Variants in KMT2A observed in about 807,000 individuals in gnomAD.
KMT2A encodes the protein lysine methyltransferase 2A.
A neutral mutation model predicts 345.3 loss-of-function variants in KMT2A; 16 were observed. The observed-to-expected ratio is 0.05, with a 90% CI of 0.03 to 0.07. The LOEUF is 0.07. KMT2A is among the 10% of genes least tolerant of loss of function. The probability of loss-of-function intolerance (pLI) is 1.00; values close to 1 mark genes in which losing one functional copy is unlikely to be tolerated. For missense variants in KMT2A, 3,272 were observed against 4,841.6 expected (o/e 0.68, Z 9.62); for synonymous variants, 1,599 against 1,778.6 (o/e 0.90, Z 2.54).
At chr11:118,454,977 C>T (rs558277695) in intron 1 of KMT2A, among the ~76,000 whole-genome samples, 2 of 152,136 alleles carry the variant, frequency 1.3e-5, no homozygotes, top group East Asian at 3.9e-4. Flanking sequence ...GAATATAACC[C>T]CACAGCTAAC....
intron 1 of KMT2A, among the ~76,000 whole-genome samples, chr11:118,451,434 C>T (rs1949535222): frequency 1.3e-5 from 2 of 152,132 alleles, no homozygotes; most frequent in South Asian, 4.1e-4. Context: ...GTCACCCAGG[C>T]TGGAGTGCAG....
chr11:118,467,327 A>C (rs943305130), intron 1 of KMT2A, among the ~76,000 whole-genome samples: 1 of 151,798 alleles, frequency 6.6e-6, no homozygotes, highest in Non-Finnish European at 1.5e-5. Context: ...CAGTGAGCTG[A>C]GATCGCGCCA....
At chr11:118,478,755 T>C (rs1180355174) in intron 5 of KMT2A, among the ~76,000 whole-genome samples, 2 of 152,136 alleles carry the variant, frequency 1.3e-5, no homozygotes, top group Non-Finnish European at 2.9e-5. Flanking sequence ...TGTTCATGCA[T>C]ATGGAATTTT....
chr11:118,438,266 G>A (rs1268771629), intron 1 of KMT2A, among the ~76,000 whole-genome samples: 1 of 152,130 alleles, frequency 6.6e-6, no homozygotes, highest in Non-Finnish European at 1.5e-5. Flanking sequence ...TCAGAGCGTT[G>A]CCCCTTCCCC....
At chr11:118,457,620 G>A (rs949793071) in intron 1 of KMT2A, among the ~76,000 whole-genome samples, 9 of 151,310 alleles carry the variant, frequency 5.9e-5, no homozygotes, top group African/African-American at 9.7e-5. Context: ...ATCAGCTAAG[G>A]CCTCAGTCAT....
intron 27 of KMT2A, 83 bp from the exon 28 acceptor site, chr11:118,507,446 G>A: frequency 8.5e-7 from 1 of 1,178,252 alleles, no homozygotes; most frequent in Non-Finnish European, 1.3e-6. Context: ...TCCTGATAGA[G>A]CCATTTCTTT....
chr11:118,441,902 C>T (rs555485233), intron 1 of KMT2A, among the ~76,000 whole-genome samples: 1 of 152,294 alleles, frequency 6.6e-6, no homozygotes, highest in East Asian at 1.9e-4. Flanking sequence ...CTTTGCTCAC[C>T]TTAGAGCTGT....
chr11:118,520,893 T>C lies in KMT2A; in HGVS notation c.11513+8T>C. The C allele has an allele frequency of 6.3e-7, 1 of 1,598,378 alleles. No individual in the cohort carries two copies. The highest frequency in any genetic ancestry group is 2.2e-5 in the East Asian group (1 of 44,818). ...GGCAGTTGGTGTCTACAGGTATGACTAAAATTCTAGAAAGAATTACAGAAA... is the reference window on the plus strand; with the variant it reads ...GGCAGTTGGTGTCTACAGGTATGACCAAAATTCTAGAAAGAATTACAGAAA... On this transcript the variant is annotated splice_region_variant and intron_variant, in intron 34 of 35. Transcript: ENST00000534358. The surrounding 1 kb of genome is among the most constrained non-coding windows in gnomAD (Gnocchi z 4.3).
Position 118,502,984 on chromosome 11 carries a change from T to C in KMT2A, c.7092T>C (p.Ser2364=). ...AACCCTCTTCAGTGTCGTTTTCTTC[T>C]AAAGAGGCCCTCTCCTTCCCACACC... ...FAEPSSVSFS[S]KEALSFPHLH... Residue 2364 remains serine (S), a synonymous_variant, in exon 27 of 36, where the codon TCT becomes TCC. Coordinates refer to ENST00000534358, the MANE Select transcript of KMT2A (RefSeq NM_001197104.2). The surrounding 1 kb of genome is among the most constrained non-coding windows in gnomAD (Gnocchi z 4.9). 1.9e-6 allele frequency: 3 copies of C among 1,614,098 alleles called. No homozygotes were observed. Among genetic ancestry groups the C allele is most frequent in the South Asian group, 1.1e-5 (1 of 91,072 alleles).
At position 118,484,361 on chromosome 11, in the gene KMT2A, T is replaced by C. The variant is rs1555040299; in HGVS notation, c.4218+47T>C. 1 of 1,591,466 alleles carries C rather than the reference T, an allele frequency of 6.3e-7. No individual in the cohort carries two copies. The highest frequency in any genetic ancestry group is 8.6e-7 in the Non-Finnish European group (1 of 1,166,026). On this transcript the variant is annotated intron_variant, in intron 9 of 35. Coordinates refer to ENST00000534358, the MANE Select transcript of KMT2A (RefSeq NM_001197104.2). This position sits in a 1 kb window ranked among gnomAD's most constrained non-coding sequence, Gnocchi z 4.1. ...AAAGTATATTGAGTGTCAAAGACTT[T>C]AAATAAAGAAAATGCTACTACCAAA...
At position 118,521,618 on chromosome 11, in the gene KMT2A, GGTTT is replaced by G. The variant is rs1950970758; in HGVS notation, c.11643+204_11643+207del. Among the ~76,000 whole-genome samples the G allele has an allele frequency of 2.6e-5, 4 of 152,294 alleles. No individual in the cohort carries two copies. Among genetic ancestry groups the G allele is most frequent in the Admixed American group, 2.6e-4 (4 of 15,296 alleles). On this transcript the variant is annotated intron_variant, in intron 35 of 35. Coordinates refer to ENST00000534358, the MANE Select transcript of KMT2A (RefSeq NM_001197104.2). This position sits in a 1 kb window ranked among gnomAD's most constrained non-coding sequence, Gnocchi z 5.3. The stretch of plus-strand genomic sequence containing the variant: ...TTAGTACAGAAAGTTGCTCTTAGAA[GGTTT>G]GTCTGAGTGGCTCCTAGTATCAGAA...
Position 118,491,404 on chromosome 11 carries a change from G to A in KMT2A, c.4819+86G>A. The A allele has an allele frequency of 8.6e-6, 11 of 1,283,784 alleles. No individual in the cohort carries two copies. The highest frequency in any genetic ancestry group is 1.1e-5 in the Non-Finnish European group (10 of 933,044). 79.5% of individuals were successfully genotyped at this position (1,283,784 alleles called of 1,614,324 possible). ...AGAGCACTTTAAACCTAAAATTATG[G>A]TTGTGTTGTTATTTGAAATCTCTAA... On this transcript the variant is annotated intron_variant, in intron 14 of 35. Transcript: ENST00000534358. The surrounding 1 kb of genome is among the most constrained non-coding windows in gnomAD (Gnocchi z 4.2).
In KMT2A at chr11:118,511,948, C is replaced by T. The variant is rs566748015; in HGVS notation, c.11072-3C>T. The T allele has an allele frequency of 7.8e-5, 126 of 1,613,674 alleles. No homozygotes were observed. The South Asian group carries it at 1.3e-3, about 16-fold the overall frequency. ...CTTACGGGTTTTCTTTATTTCCTTT[C>T]AGATGCCTGGAAGTCATTGACAGAT... On this transcript the variant is annotated splice_polypyrimidine_tract_variant and splice_region_variant and intron_variant, in intron 30 of 35. Coordinates refer to ENST00000534358, the MANE Select transcript of KMT2A (RefSeq NM_001197104.2).
rs1555043929 is a variant in KMT2A, at chr11:118,496,304, C to A, written c.5601C>A (p.Pro1867=). The part of the protein sequence containing the change: ...SREDSPELNP[P]PGIEDNRQCA... ...AAGACAGTCCAGAGCTGAACCCACC[C>A]CCAGGCATAGAAGACAATAGACAGT... is the stretch of plus-strand genomic sequence containing the variant. Residue 1867 remains proline, a synonymous_variant, in exon 20 of 36, where the codon CCC becomes CCA. Transcript: ENST00000534358. The surrounding 1 kb of genome is among the most constrained non-coding windows in gnomAD (Gnocchi z 4.7). 1.9e-6 allele frequency: 3 copies of A among 1,613,834 alleles called. No individual in the cohort carries two copies. The highest frequency in any genetic ancestry group is 2.5e-6 in the Non-Finnish European group (3 of 1,179,830).
At position 118,493,980 on chromosome 11, in the gene KMT2A, G is replaced by T. The variant is rs1273292075; in HGVS notation, c.5179-308G>T. ...CCCACATCAGCCTCCCAAAGTGCTGGGATTACAGGCGTGAGCCACTGTTTA... is the reference window on the plus strand; with the variant it reads ...CCCACATCAGCCTCCCAAAGTGCTGTGATTACAGGCGTGAGCCACTGTTTA... On this transcript the variant is annotated intron_variant, in intron 16 of 35. Coordinates refer to ENST00000534358, the MANE Select transcript of KMT2A (RefSeq NM_001197104.2). The surrounding 1 kb of genome is among the most constrained non-coding windows in gnomAD (Gnocchi z 5.8). Among the ~76,000 whole-genome samples the T allele has an allele frequency of 1.3e-5, 2 of 152,096 alleles. No individual in the cohort carries two copies. Among genetic ancestry groups the T allele is most frequent in the Admixed American group, 6.6e-5 (1 of 15,266 alleles).
At position 118,505,522 on chromosome 11, in the gene KMT2A, C is replaced by T. The variant is rs1950566000; in HGVS notation, c.9630C>T (p.Leu3210=). 2 of 1,614,028 alleles carry T rather than the reference C, an allele frequency of 1.2e-6. No individual in the cohort carries two copies. Among genetic ancestry groups the T allele is most frequent in the African/African-American group, 1.3e-5 (1 of 74,908 alleles). ...LVSESSQRTD[L]STTVATPSSG... ...CAGAATCCAGCCAGAGGACAGACCT[C>T]AGTACCACAGTAGCCACTCCATCCT... is the stretch of plus-strand genomic sequence containing the variant. The change falls in exon 27 of 36, where the codon CTC becomes CTT. Residue 3210 remains leucine (L), a synonymous_variant. Coordinates refer to ENST00000534358, the MANE Select transcript of KMT2A (RefSeq NM_001197104.2). This position sits in a 1 kb window ranked among gnomAD's most constrained non-coding sequence, Gnocchi z 4.6.
rs9332824 is a variant in KMT2A at position 118,496,013 on chromosome 11, C to T, written c.5557+120C>T. 7.0e-3 allele frequency: 6,528 copies of T among 932,692 alleles called. 30 individuals carry two copies. Among genetic ancestry groups the T allele is most frequent in the Middle Eastern group, 0.018 (51 of 2,876 alleles). 57.8% of individuals were successfully genotyped at this position (932,692 alleles called of 1,614,324 possible). On this transcript the variant is annotated intron_variant, in intron 19 of 35. Transcript: ENST00000534358. This position sits in a 1 kb window ranked among gnomAD's most constrained non-coding sequence, Gnocchi z 4.7. ...TATCAGAAAGGAATTTTCAGGTCAT[C>T]CTTAAATGTAATACCATCATTAATT...
chr11:118,497,875 C>A lies in KMT2A; in HGVS notation c.5665-61C>A. 7.3e-7 allele frequency: 1 copy of A among 1,360,768 alleles called. No individual in the cohort carries two copies. Among genetic ancestry groups the A allele is most frequent in the South Asian group, 1.2e-5 (1 of 80,674 alleles). 84.3% of individuals were successfully genotyped at this position (1,360,768 alleles called of 1,614,324 possible). On this transcript the variant is annotated intron_variant, in intron 20 of 35. Transcript: ENST00000534358. This position sits in a 1 kb window ranked among gnomAD's most constrained non-coding sequence, Gnocchi z 4.8. ...TTATCTTCACTGGAAAAGCTAATGC[C>A]GAGGAAAACCTCCTTTGGCATTATA... is the stretch of plus-strand genomic sequence containing the variant.
chr11:118,511,819 A>T (rs2134437887), intron 30 of KMT2A, 132 bp from the exon 31 acceptor site: 1 of 754,984 alleles, frequency 1.3e-6, no homozygotes. Context: ...AAGAAAAATA[A>T]CAAAACACTG....
Sources: gnomAD v4.1 joint callset for allele counts (sites outside exome capture counted in the v4.1 genomes callset) on GRCh38, gnomAD v4.1.1 for gene constraint, Gnocchi (gnomAD v3.1) non-coding constraint, MANE v1.5 for transcripts, NCBI Gene and HGNC (gene_info 2026-07-23, HGNC 2026-07-21) for gene names.